The following TENM4 variants were observed in gnomAD, a reference collection of about 807,000 sequenced individuals.
TENM4 encodes teneurin-4.
Under a neutral mutation model 243.3 loss-of-function variants are expected in TENM4, and 82 were observed. The observed-to-expected ratio is 0.34, with a 90% CI of 0.28 to 0.40. TENM4 has a LOEUF of 0.40. Ranked by LOEUF, TENM4 falls within the 10% of genes least tolerant of loss-of-function variation. TENM4 has a pLI of 1.00. For missense variants in TENM4, 3,138 were observed against 3,673.3 expected (o/e 0.85, Z 3.77); for synonymous variants, 1,412 against 1,456.3 (o/e 0.97, Z 0.69).
intron 3 of TENM4, among the ~76,000 whole-genome samples, chr11:79,166,347 G>A (rs906688387): frequency 2.0e-5 from 3 of 152,336 alleles, no homozygotes; most frequent in Non-Finnish European, 4.4e-5. Context: ...CTCTTTTTAA[G>A]AGGCTTTCAT....
At chr11:78,830,560 G>A (rs1857957525) in intron 12 of TENM4, among the ~76,000 whole-genome samples, 1 of 152,254 alleles carries the variant, frequency 6.6e-6, no homozygotes, top group South Asian at 2.1e-4. Context: ...CAGTGCACCA[G>A]TGTTTAGCAG....
intron 28 of TENM4, among the ~76,000 whole-genome samples, chr11:78,699,844 T>C (rs1264452156): frequency 2.0e-5 from 3 of 152,340 alleles, no homozygotes; most frequent in East Asian, 1.9e-4. Flanking sequence ...TGGGAACTAA[T>C]TGAGTGCACA....
chr11:79,086,301 C>T (rs942056132), intron 4 of TENM4, among the ~76,000 whole-genome samples: 3 of 152,232 alleles, frequency 2.0e-5, no homozygotes, highest in Non-Finnish European at 4.4e-5. Context: ...GCTGAGCCAA[C>T]CAACACCCGG....
chr11:79,207,182 A>G (rs1863865412), intron 3 of TENM4, among the ~76,000 whole-genome samples: 1 of 152,194 alleles, frequency 6.6e-6, no homozygotes, highest in Non-Finnish European at 1.5e-5. Flanking sequence ...GAGAATGAGC[A>G]GGAGTTTGCC....
intron 2 of TENM4, among the ~76,000 whole-genome samples, chr11:79,263,634 T>C (rs1288701576): frequency 6.6e-6 from 1 of 152,210 alleles, no homozygotes; most frequent in Non-Finnish European, 1.5e-5. Context: ...TTCACACTTG[T>C]TGCAGGTGGT....
intron 4 of TENM4, among the ~76,000 whole-genome samples, chr11:79,081,854 A>C (rs1430042260): frequency 1.3e-5 from 2 of 152,028 alleles, no homozygotes; most frequent in Non-Finnish European, 2.9e-5. Flanking sequence ...CCGTCCCTCA[A>C]CTCGTGATGA....
intron 9 of TENM4, among the ~76,000 whole-genome samples, chr11:78,885,511 T>A (rs949005539): frequency 1.3e-5 from 2 of 152,224 alleles, no homozygotes; most frequent in Non-Finnish European, 2.9e-5. Flanking sequence ...GCAGTCTCTG[T>A]TGGTGGTAAG....
chr11:79,405,869 A>C (rs1033130176), intron 1 of TENM4, among the ~76,000 whole-genome samples: 3 of 151,566 alleles, frequency 2.0e-5, no homozygotes, highest in Admixed American at 1.3e-4. Context: ...AAAAAAAAAA[A>C]AACAACTAGC....
intron 15 of TENM4, among the ~76,000 whole-genome samples, chr11:78,789,299 T>G (rs202109809): frequency 0.069 from 3,190 of 46,518 alleles, 70 homozygotes; most frequent in Middle Eastern, 0.2. Context: ...TGTATGAGAC[T>G]GTCCCACGTG....
At chr11:78,864,818 G>A (rs1459331431) in intron 9 of TENM4, among the ~76,000 whole-genome samples, 1 of 152,176 alleles carries the variant, frequency 6.6e-6, no homozygotes. Flanking sequence ...GGCAGATTCT[G>A]GAGAGCCAGA....
intron 16 of TENM4, among the ~76,000 whole-genome samples, chr11:78,782,493 A>G (rs1260663695): frequency 6.6e-6 from 1 of 152,224 alleles, no homozygotes; most frequent in Non-Finnish European, 1.5e-5. Context: ...GCTACTTGGG[A>G]GGCTGAGGCA....
chr11:79,055,512 G>A (rs2136952597), intron 6 of TENM4, among the ~76,000 whole-genome samples: 1 of 152,288 alleles, frequency 6.6e-6, no homozygotes, highest in East Asian at 1.9e-4. Context: ...AAAGTGCTGG[G>A]ATTATGGGCG....
At chr11:78,906,000 C>T (rs924888407) in intron 6 of TENM4, among the ~76,000 whole-genome samples, 1 of 152,116 alleles carries the variant, frequency 6.6e-6, no homozygotes, top group African/African-American at 2.4e-5. Flanking sequence ...AGGCTGCTGG[C>T]AGTAGTTCAC....
rs142111203 is a variant in TENM4, at chr11:78,759,444, T to C, written c.2540-2423A>G. 5.0e-3 allele frequency among the ~76,000 whole-genome samples: 760 copies of C among 152,310 alleles called. 4 individuals are homozygous for C. Among genetic ancestry groups the C allele is most frequent in the Non-Finnish European group, 8.1e-3 (548 of 68,030 alleles). ...TTGACCATTAAATCAGCTAGCACAA[T>C]TGAAGGGCCGTGAAAAGTCATGGCT... On this transcript the variant is annotated intron_variant, in intron 18 of 33. Coordinates refer to ENST00000278550, the MANE Select transcript of TENM4 (RefSeq NM_001098816.3).
In TENM4 at chr11:79,046,121, C is replaced by G. The variant is rs534596413; in HGVS notation, c.493+18617G>C. Among the ~76,000 whole-genome samples, 70 of 152,340 alleles carry G rather than the reference C, an allele frequency of 4.6e-4. No individual in the cohort carries two copies. The Middle Eastern group carries it at 0.01, about 22-fold the overall frequency. ...CACATGGTCTCAGGCAGGAATCTTC[C>G]CTGTGGCATCATGCCTCCGGTGAAG... On this transcript the variant is annotated intron_variant, in intron 6 of 33. Transcript: ENST00000278550.
chr11:78,821,294 T>G (rs1207774454), intron 12 of TENM4, among the ~76,000 whole-genome samples: 8 of 152,254 alleles, frequency 5.3e-5, no homozygotes, highest in Non-Finnish European at 1.5e-5. Context: ...ACAGCCATTA[T>G]GTCTGGTTCT....
chr11:78,852,859 C>T (rs1858572724), intron 12 of TENM4, among the ~76,000 whole-genome samples: 1 of 152,118 alleles, frequency 6.6e-6, no homozygotes. Context: ...AAGGGATCCT[C>T]CCACCTCAGC....
intron 6 of TENM4, among the ~76,000 whole-genome samples, chr11:79,060,552 A>G (rs1860060325): frequency 6.6e-6 from 1 of 152,176 alleles, no homozygotes; most frequent in Non-Finnish European, 1.5e-5. Flanking sequence ...GTTATGCTTC[A>G]CATTTTACAT....
chr11:78,982,693 C>T (rs1857827736), intron 6 of TENM4, among the ~76,000 whole-genome samples: 1 of 152,236 alleles, frequency 6.6e-6, no homozygotes, highest in Admixed American at 6.5e-5. Flanking sequence ...TACTTATGCA[C>T]ATCCCTCAGA....
Sources: allele counts gnomAD v4.1 joint callset (sites outside exome capture counted in the v4.1 genomes callset), GRCh38; gene constraint gnomAD v4.1.1; transcripts MANE v1.5; gene names NCBI Gene and HGNC (gene_info 2026-07-23, HGNC 2026-07-21).